Variants in TRIM55 observed in about 807,000 individuals in gnomAD.
TRIM55 encodes the protein tripartite motif containing 55.
Under a neutral mutation model 60.9 loss-of-function variants are expected in TRIM55, and 50 were observed. That is an observed-to-expected ratio of 0.82 (90% CI 0.65 to 1.04). The LOEUF (loss-of-function observed/expected upper bound fraction) is 1.04, where lower values mean the gene tolerates loss of function less well. TRIM55 is among the 50% of genes least tolerant of loss of function. TRIM55 has a pLI of 0.00. For synonymous variants in TRIM55, 237 were observed against 238.1 expected (o/e 1.00, Z 0.04); for missense variants, 681 against 666.9 (o/e 1.02, Z -0.23).
chr8:66,153,982 C>A, intron 8 of TRIM55, 65 bp from the exon 9 acceptor site: 1 of 1,495,386 alleles, frequency 6.7e-7, no homozygotes, highest in Non-Finnish European at 9.0e-7. Context: ...CTAAAATCAA[C>A]TGCTTTTTCT....
rs764834980 is a variant in TRIM55, at chr8:66,154,031, A to G, written c.1237-16A>G. On this transcript the variant is annotated splice_polypyrimidine_tract_variant and intron_variant, in intron 8 of 9. Coordinates refer to ENST00000315962, the MANE Select transcript of TRIM55 (RefSeq NM_184085.2). ...TTTTTTTTTCTTTACTTTTGAATTT[A>G]TCTGTCCTGATTAAGGGGGAGGTTG... 126 of 1,577,702 alleles carry G rather than the reference A, an allele frequency of 8.0e-5. No individual in the cohort carries two copies. The highest frequency in any genetic ancestry group is 1.7e-4 in the Middle Eastern group (1 of 5,892).
rs1304252269 is a variant in TRIM55, at chr8:66,127,402, A to G, written c.134A>G (p.Asn45Ser). ...KPVVILPCQH[N>S]LCRKCASDIF... ...GTGGTGATTCTCCCTTGTCAGCACA[A>G]CCTGTGTAGGAAATGTGCCAGTGAT... is the stretch of plus-strand genomic sequence containing the variant. The change falls in exon 1 of 10, where the codon AAC becomes AGC. Residue 45 changes from asparagine to serine, a missense_variant. Physicochemically the swap from Asn to Ser is conservative, Grantham distance 46. Transcript: ENST00000315962. 6.2e-7 allele frequency: 1 copy of G among 1,614,040 alleles called. No individual in the cohort carries two copies. The highest frequency in any genetic ancestry group is 1.3e-5 in the African/African-American group (1 of 74,900).
At chr8:66,158,045 C>T (rs1357336134) in intron 9 of TRIM55, among the ~76,000 whole-genome samples, 1 of 151,970 alleles carries the variant, frequency 6.6e-6, no homozygotes, top group African/African-American at 2.4e-5. Context: ...CCTTGGGCTT[C>T]TACAGGATCT....
At chr8:66,125,115 C>G (rs1005485751), upstream of TRIM55, among the ~76,000 whole-genome samples, 5 of 152,186 alleles carry the variant, frequency 3.3e-5, no homozygotes, top group African/African-American at 9.7e-5. Context: ...TTCTCTTTCC[C>G]CAATATCCAT....
In TRIM55 at chr8:66,154,349, A is replaced by G. The variant is rs370639207; in HGVS notation, c.1524+15A>G. The stretch of plus-strand genomic sequence containing the variant: ...CTACTTCTCAGGTTAGTGATGATGC[A>G]CTTGTGTCTATGCTTTCCCGCGCCC... On this transcript the variant is annotated intron_variant, in intron 9 of 9. Transcript: ENST00000315962. 39 of 1,611,828 alleles carry G rather than the reference A, an allele frequency of 2.4e-5. No homozygotes were observed. The African/African-American group carries it at 4.1e-4, about 17-fold the overall frequency.
chr8:66,154,166 A>G lies in TRIM55; in HGVS notation c.1356A>G (p.Lys452=). Residue 452 remains lysine, a synonymous_variant, in exon 9 of 10, where the codon AAA becomes AAG. Transcript: ENST00000315962. The stretch of plus-strand genomic sequence containing the variant: ...GTTGGTATAAAGGCCAAACCCGGAA[A>G]GCCACCACCAACCCACCTTGCACCC... ...YPSWYKGQTR[K]ATTNPPCTPG... 6.2e-7 allele frequency: 1 copy of G among 1,614,150 alleles called. No homozygotes were observed. Among genetic ancestry groups the G allele is most frequent in the South Asian group, 1.1e-5 (1 of 91,074 alleles).
intron 8 of TRIM55, 143 bp from the exon 9 acceptor site, chr8:66,153,903 TG>T: frequency 1.4e-6 from 1 of 714,144 alleles, no homozygotes; most frequent in Non-Finnish European, 2.3e-6. Context: ...TTCTGGAGGG[TG>T]GGATGAACTA....
At chr8:66,150,602 G>A (rs1005330814) in intron 7 of TRIM55, 136 bp downstream of exon 7, 18 of 997,720 alleles carry the variant, frequency 1.8e-5, no homozygotes, top group South Asian at 1.1e-4. Flanking sequence ...CATATCCAAT[G>A]TGAAGCTCTA....
intron 8 of TRIM55, among the ~76,000 whole-genome samples, chr8:66,152,904 TG>T (rs1172518514): frequency 4.0e-5 from 1 of 24,988 alleles, no homozygotes; most frequent in Non-Finnish European, 6.2e-5. Context: ...GTCTGGAAAT[TG>T]TGTGTGTGTG....
At chr8:66,137,070 T>G (rs756720046) in intron 3 of TRIM55, 25 bp from the exon 4 acceptor site, 11 of 1,601,608 alleles carry the variant, frequency 6.9e-6, no homozygotes, top group Non-Finnish European at 7.7e-6. Context: ...CCTAAGATAT[T>G]GGGTTCATGT....
intron 9 of TRIM55, among the ~76,000 whole-genome samples, chr8:66,173,470 T>C (rs913459693): frequency 1.8e-4 from 28 of 152,226 alleles, no homozygotes; most frequent in African/African-American, 5.8e-4. Context: ...TATTATCCAT[T>C]CATATCGCAG....
At position 66,174,772 on chromosome 8, in the gene TRIM55, A is replaced by G. The variant is rs932489391; in HGVS notation, c.*179A>G. 4 of 487,546 alleles carry G rather than the reference A, an allele frequency of 8.2e-6. No individual in the cohort carries two copies. Among genetic ancestry groups the G allele is most frequent in the African/African-American group, 8.2e-5 (4 of 48,788 alleles). The allele number at this position is 487,546 out of a possible 1,614,324, so 30.2% of individuals were successfully genotyped here. A position where few individuals can be genotyped will look rare whatever the true frequency, so the allele number is the denominator to read the frequency against. ...ATCTAACATCTTGGGGGGAAAGAAT[A>G]TTTTGAGAAAATAGTTGCAGAAAGC... is the stretch of plus-strand genomic sequence containing the variant. On this transcript the variant is annotated 3_prime_UTR_variant, in exon 10 of 10. Coordinates refer to ENST00000315962, the MANE Select transcript of TRIM55 (RefSeq NM_184085.2).
At position 66,152,397 on chromosome 8, in the gene TRIM55, G is replaced by C. The variant is rs770907206; in HGVS notation, c.1006G>C (p.Glu336Gln). The change falls in exon 8 of 10, where the codon GAA (glutamate) becomes CAA (glutamine). Residue 336 changes from glutamate (E) to glutamine (Q), a missense_variant. Physicochemically the swap from Glu to Gln is conservative, Grantham distance 29. Coordinates refer to ENST00000315962, the MANE Select transcript of TRIM55 (RefSeq NM_184085.2). ...ACCAGAAGATGAAGATGAAGAAGAA[G>C]AAGAAGGCGGAGAAGGAGAAAAAGA... ...FYREDEDEEE[E>Q]EGGEGEKEGE... 2.4e-5 allele frequency: 38 copies of C among 1,598,162 alleles called. No individual in the cohort carries two copies. The highest frequency in any genetic ancestry group is 3.2e-5 in the Non-Finnish European group (37 of 1,171,324).
At position 66,150,220 on chromosome 8, in the gene TRIM55, G is replaced by T; in HGVS notation, c.841G>T (p.Ala281Ser). 3.1e-6 allele frequency: 5 copies of T among 1,613,114 alleles called. No homozygotes were observed. The highest frequency in any genetic ancestry group is 4.2e-6 in the Non-Finnish European group (5 of 1,179,450). The change falls in exon 6 of 10, where the codon GCC becomes TCC. Residue 281 changes from alanine to serine, a missense_variant. Physicochemically the swap from Ala to Ser is moderately conservative, Grantham distance 99 (BLOSUM62 1). Transcript: ENST00000315962. ...TATCTTTTGTTTGCTTTCACAGAAT[G>T]CCAAAACCCTGCTAAAAAAGTAAGA... ...EPEMAVFLQN[A>S]KTLLKKISEA...
chr8:66,167,686 C>G (rs1811400734), intron 9 of TRIM55, among the ~76,000 whole-genome samples: 1 of 152,224 alleles, frequency 6.6e-6, no homozygotes, highest in South Asian at 2.1e-4. Flanking sequence ...GCCCCCCAGT[C>G]AGTTCACTCC....
chr8:66,166,553 T>A (rs1009559811), intron 9 of TRIM55, among the ~76,000 whole-genome samples: 1 of 152,344 alleles, frequency 6.6e-6, no homozygotes, highest in Non-Finnish European at 1.5e-5. Flanking sequence ...TGTTAATGCA[T>A]CTGAAAAAAC....
intron 9 of TRIM55, among the ~76,000 whole-genome samples, chr8:66,165,522 C>T (rs969342473): frequency 2.6e-5 from 4 of 151,778 alleles, no homozygotes; most frequent in East Asian, 1.9e-4. Flanking sequence ...CCAAAACAAA[C>T]GGAAGTGAAT....
intron 9 of TRIM55, among the ~76,000 whole-genome samples, chr8:66,165,157 A>C (rs1586252152): frequency 1.3e-5 from 2 of 152,174 alleles, no homozygotes; most frequent in African/African-American, 2.4e-5. Flanking sequence ...GAAAATATTC[A>C]TATTTTCCTA....
At chr8:66,144,907 A>C (rs1252391180) in intron 4 of TRIM55, among the ~76,000 whole-genome samples, 1 of 152,184 alleles carries the variant, frequency 6.6e-6, no homozygotes. Flanking sequence ...ATTTTTTCCT[A>C]TTCCATTTTT....
Sources: gnomAD v4.1 joint callset for allele counts (sites outside exome capture counted in the v4.1 genomes callset) on GRCh38, gnomAD v4.1.1 for gene constraint, MANE v1.5 for transcripts, NCBI Gene and HGNC (gene_info 2026-07-23, HGNC 2026-07-21) for gene names.